Variants in CD2AP observed in about 807,000 individuals in gnomAD.
The protein encoded by CD2AP is CD2-associated protein.
Under a neutral mutation model 85.1 loss-of-function variants are expected in CD2AP, and 46 were observed. That is an observed-to-expected ratio of 0.54 (90% CI 0.43 to 0.69). The LOEUF (loss-of-function observed/expected upper bound fraction) is 0.69. Among genes scored for constraint, CD2AP ranks in the 30% least tolerant of loss-of-function variants. The pLI, the probability that CD2AP is intolerant of heterozygous loss-of-function variation, is 0.00. For missense variants in CD2AP, 769 were observed against 729.5 expected (o/e 1.05, Z -0.62); for synonymous variants, 255 against 252.9 (o/e 1.01, Z -0.08).
chr6:47,535,687 A>T (rs1436411951), intron 3 of CD2AP, among the ~76,000 whole-genome samples: 1 of 152,204 alleles, frequency 6.6e-6, no homozygotes, highest in Non-Finnish European at 1.5e-5. Flanking sequence ...TGGTTTCAGC[A>T]GTTCTGATGA....
chr6:47,579,402 C>G lies in CD2AP; in HGVS notation c.921C>G (p.Gly307=), dbSNP rs572425310. 5 of 1,603,286 alleles carry G rather than the reference C, an allele frequency of 3.1e-6. No individual in the cohort carries two copies. The South Asian group carries it at 4.4e-5, about 14-fold the overall frequency. Residue 307 remains glycine (G), a synonymous_variant, in exon 9 of 18, where the codon GGC becomes GGG. Transcript: ENST00000359314. ...CTTTTTAGGAGACTGGAGAAGCTGG[C>G]TGGTGGAGGGGCGAACTTAATGGTA... The part of the protein sequence containing the change: ...HLISKETGEA[G]WWRGELNGKE...
Position 47,595,951 on chromosome 6 carries a change from AT to A in CD2AP, c.1202del (p.Leu401TyrfsTer2). On this transcript the variant is annotated frameshift_variant, in exon 12 of 18. Coordinates refer to ENST00000359314, the MANE Select transcript of CD2AP (RefSeq NM_012120.3). LOFTEE classifies it high-confidence loss of function. The part of the protein sequence containing the change: ...KKPTPPTKAS[N>X]LLRSSGTVYP... Reference sequence around the variant, plus strand: ...CCTACTCCACCTACCAAAGCCAGTAATTTACTGAGATCTTCTGGAACAGTGT... The same window carrying A: ...CCTACTCCACCTACCAAAGCCAGTAATTACTGAGATCTTCTGGAACAGTGT... 6.2e-7 allele frequency: 1 copy of A among 1,612,624 alleles called. No individual in the cohort carries two copies. Among genetic ancestry groups the A allele is most frequent in the Non-Finnish European group, 8.5e-7 (1 of 1,178,822 alleles).
intron 4 of CD2AP, among the ~76,000 whole-genome samples, chr6:47,548,509 T>C (rs1479442750): frequency 6.6e-6 from 1 of 152,038 alleles, no homozygotes; most frequent in African/African-American, 2.4e-5. Flanking sequence ...TCAGGAAGAA[T>C]TACATATGCT....
At position 47,599,321 on chromosome 6, in the gene CD2AP, G is replaced by A. The variant is rs757591994; in HGVS notation, c.1295G>A (p.Ser432Asn). ...PIAKINGEVS[S>N]ISSKFETEPV... ...TTCAGGATTAATGGGGAAGTTTCTA[G>A]CATTTCATCAAAATTTGAAACTGAG... is the stretch of plus-strand genomic sequence containing the variant. The change falls in exon 13 of 18, where the codon AGC becomes AAC. Residue 432 changes from serine (S) to asparagine (N), a missense_variant. By Grantham distance (46) the Ser-to-Asn change is conservative. Coordinates refer to ENST00000359314, the MANE Select transcript of CD2AP (RefSeq NM_012120.3). 4 of 1,612,190 alleles carry A rather than the reference G, an allele frequency of 2.5e-6. No homozygotes were observed. In the East Asian group the frequency reaches 6.7e-5, roughly 27 times the overall value.
intron 7 of CD2AP, 31 bp downstream of exon 7, chr6:47,576,633 G>A (rs1768321912): frequency 7.1e-6 from 10 of 1,413,410 alleles, no homozygotes; most frequent in Non-Finnish European, 1.0e-5. Flanking sequence ...TTCATATTGG[G>A]AATAGTAGAA....
At chr6:47,579,238 G>A (rs1376138675) in intron 8 of CD2AP, 147 bp from the exon 9 acceptor site, 2 of 621,116 alleles carry the variant, frequency 3.2e-6, no homozygotes, top group East Asian at 2.9e-5. Context: ...GGGAGGCTGA[G>A]TTGGGAGGAT....
intron 1 of CD2AP, among the ~76,000 whole-genome samples, chr6:47,490,812 G>A (rs1284837552): frequency 6.6e-6 from 1 of 152,020 alleles, no homozygotes; most frequent in Non-Finnish European, 1.5e-5. Context: ...ATTGTACTAT[G>A]CAAACCTTTG....
rs575142405 is a variant in CD2AP, at chr6:47,595,020, T to G, written c.1109-841T>G. 2.0e-5 allele frequency among the ~76,000 whole-genome samples: 3 copies of G among 152,084 alleles called. No homozygotes were observed. In the East Asian group the frequency reaches 5.8e-4, roughly 30 times the overall value. Reference sequence around the variant, plus strand: ...GTATGGTGCTTAGGAGCTTCTTATTTTTGTATATACGTCTTAAGACACATT... The same window carrying G: ...GTATGGTGCTTAGGAGCTTCTTATTGTTGTATATACGTCTTAAGACACATT... On this transcript the variant is annotated intron_variant, in intron 11 of 17. Coordinates refer to ENST00000359314, the MANE Select transcript of CD2AP (RefSeq NM_012120.3).
chr6:47,502,015 C>A (rs1353441176), intron 1 of CD2AP, among the ~76,000 whole-genome samples: 2 of 152,188 alleles, frequency 1.3e-5, no homozygotes, highest in Non-Finnish European at 2.9e-5. Context: ...CAAGGTTGCA[C>A]TGAAGATGGT....
Position 47,574,241 on chromosome 6 carries a change from A to C in CD2AP, c.719A>C (p.Lys240Thr). 1.2e-6 allele frequency: 2 copies of C among 1,613,866 alleles called. No homozygotes were observed. Among genetic ancestry groups the C allele is most frequent in the Non-Finnish European group, 1.7e-6 (2 of 1,179,828 alleles). ...TCCAGTAGTGAAACAGAAGAGAAAA[A>C]ACCAGAAAAGGTGGTAATGATGGAC... ...RTSSSETEEKKPEKPLILQSL... is the reference protein window; with the variant it reads ...RTSSSETEEKTPEKPLILQSL... The change falls in exon 6 of 18, where the codon AAA (lysine) becomes ACA (threonine). Residue 240 changes from lysine (K) to threonine (T), a missense_variant. Physicochemically the swap from Lys to Thr is moderately conservative, Grantham distance 78 (BLOSUM62 -1). Transcript: ENST00000359314.
At chr6:47,562,909 G>C (rs1767899618) in intron 5 of CD2AP, 1 of 670,704 alleles carries the variant, frequency 1.5e-6, no homozygotes, top group African/African-American at 1.7e-5. Context: ...AAAATTGACA[G>C]AGAGAGAAAA....
chr6:47,481,638 A>G (rs1436012105), intron 1 of CD2AP, among the ~76,000 whole-genome samples: 1 of 151,096 alleles, frequency 6.6e-6, no homozygotes, highest in African/African-American at 2.4e-5. Context: ...GAGCCACTGC[A>G]CCTGGCCTCG....
intron 2 of CD2AP, among the ~76,000 whole-genome samples, chr6:47,517,439 C>T (rs1467869165): frequency 6.6e-6 from 1 of 152,044 alleles, no homozygotes; most frequent in Non-Finnish European, 1.5e-5. Flanking sequence ...AGGTGTGTGC[C>T]ACCATGCCTG....
At chr6:47,553,513 A>ATTTTTTTTTTTTTTTTTTTTTTTTT (rs148273065) in intron 4 of CD2AP, among the ~76,000 whole-genome samples, 1 of 110,516 alleles carries the variant, frequency 9.0e-6, no homozygotes, top group Non-Finnish European at 1.8e-5. Context: ...CACCTAGTGA[A>ATTTTTTTTTTTTTTTTTTTTTTTTT]TTTTTTTTTT....
rs1441597666 is a variant in CD2AP, at chr6:47,597,812, G to A, written c.1275-1489G>A. ...GTGTCGTGGAGTTTGGGACTGTCGA[G>A]GCTGCAGAGATGGCTGTCTGGAATA... On this transcript the variant is annotated intron_variant, in intron 12 of 17. Transcript: ENST00000359314. Among the ~76,000 whole-genome samples the A allele has an allele frequency of 4.0e-5, 6 of 150,790 alleles. No homozygotes were observed. In the South Asian group the frequency reaches 1.1e-3, roughly 26 times the overall value.
chr6:47,495,388 G>C (rs1765834669), intron 1 of CD2AP, among the ~76,000 whole-genome samples: 1 of 152,036 alleles, frequency 6.6e-6, no homozygotes. Flanking sequence ...AGCCAGATAG[G>C]GGCATGGAGT....
At chr6:47,603,676 T>C (rs775911444) in intron 13 of CD2AP, among the ~76,000 whole-genome samples, 2 of 152,114 alleles carry the variant, frequency 1.3e-5, no homozygotes, top group Admixed American at 6.6e-5. Context: ...ATTCTACAGC[T>C]GTTCTTTTTT....
intron 13 of CD2AP, among the ~76,000 whole-genome samples, chr6:47,600,222 G>C (rs187064939): frequency 6.6e-6 from 1 of 151,850 alleles, no homozygotes; most frequent in East Asian, 1.9e-4. Flanking sequence ...AACAAAGTAA[G>C]CTACAGACAC....
At chr6:47,609,513 C>CAAAAAAAAAAAAAAAAAA (rs10580796) in intron 16 of CD2AP, 32 of 141,844 alleles carry the variant, frequency 2.3e-4, no homozygotes, top group Non-Finnish European at 3.2e-4. Flanking sequence ...CCCATCTTTG[C>CAAAAAAAAAAAAAAAAAA]AAAAAAAAAA....
Sources: gnomAD v4.1 joint callset for allele counts (sites outside exome capture counted in the v4.1 genomes callset) on GRCh38, gnomAD v4.1.1 for gene constraint, MANE v1.5 for transcripts, NCBI Gene and HGNC (gene_info 2026-07-23, HGNC 2026-07-21) for gene names.